Variants in LARP1B observed in about 807,000 individuals in gnomAD.
LARP1B encodes la-related protein 1B.
Under a neutral mutation model 114.2 loss-of-function variants are expected in LARP1B, and 76 were observed. The observed-to-expected ratio is 0.67, with a 90% CI of 0.55 to 0.81. The LOEUF (loss-of-function observed/expected upper bound fraction) is 0.81. LARP1B is among the 30% of genes least tolerant of loss of function. The pLI, the probability that LARP1B is intolerant of heterozygous loss-of-function variation, is 0.00. For synonymous variants in LARP1B, 345 were observed against 348.0 expected (o/e 0.99, Z 0.10); for missense variants, 1,014 against 1,075.8 (o/e 0.94, Z 0.80).
chr4:128,165,928 C>G (rs920305425), intron 12 of LARP1B, among the ~76,000 whole-genome samples: 1 of 152,056 alleles, frequency 6.6e-6, no homozygotes, highest in Non-Finnish European at 1.5e-5. Flanking sequence ...TCAAATTTCT[C>G]CTCTTTTGAA....
In LARP1B at chr4:128,177,055, G is replaced by T; in HGVS notation, c.1684+148G>T. On this transcript the variant is annotated intron_variant, in intron 13 of 19. Coordinates refer to ENST00000326639, the MANE Select transcript of LARP1B (RefSeq NM_018078.4). Reference sequence around the variant, plus strand: ...CAGGACTGACAGTTTGGTGCTATTTGTGTCACCAAGAACAAAGTGGAAAAT... The same window carrying T: ...CAGGACTGACAGTTTGGTGCTATTTTTGTCACCAAGAACAAAGTGGAAAAT... The T allele has an allele frequency of 5.4e-6, 4 of 739,966 alleles. No individual in the cohort carries two copies. The East Asian group carries it at 1.0e-4, about 19-fold the overall frequency. 45.8% of individuals were successfully genotyped at this position (739,966 alleles called of 1,614,324 possible).
chr4:128,087,709 T>C lies in LARP1B; in HGVS notation c.359-3292T>C, dbSNP rs550882953. ...ATTTTTCTCAATTGTCCACAAAATATGACTTTTAAATTATAAAACTTTAGC... is the reference window on the plus strand; with the variant it reads ...ATTTTTCTCAATTGTCCACAAAATACGACTTTTAAATTATAAAACTTTAGC... On this transcript the variant is annotated intron_variant, in intron 5 of 19. Coordinates refer to ENST00000326639, the MANE Select transcript of LARP1B (RefSeq NM_018078.4). Among the ~76,000 whole-genome samples the C allele has an allele frequency of 5.3e-5, 8 of 152,318 alleles. No homozygotes were observed. The South Asian group carries it at 1.4e-3, about 28-fold the overall frequency.
At chr4:128,124,273 G>T (rs1028944809) in intron 11 of LARP1B, among the ~76,000 whole-genome samples, 1 of 151,862 alleles carries the variant, frequency 6.6e-6, no homozygotes, top group African/African-American at 2.4e-5. Context: ...TACTCTAAAA[G>T]AAAAAAACAG....
At chr4:128,177,579 A>G (rs1458841895) in intron 13 of LARP1B, among the ~76,000 whole-genome samples, 2 of 152,194 alleles carry the variant, frequency 1.3e-5, no homozygotes, top group Non-Finnish European at 2.9e-5. Context: ...AAGGGTAACT[A>G]GAAATATGAA....
intron 11 of LARP1B, among the ~76,000 whole-genome samples, chr4:128,146,881 G>A (rs946273042): frequency 6.6e-6 from 1 of 152,146 alleles, no homozygotes; most frequent in African/African-American, 2.4e-5. Flanking sequence ...TTAAAACTAG[G>A]TCCTAAATAA....
At chr4:128,065,277 C>CTT (rs1156480479) in intron 1 of LARP1B, among the ~76,000 whole-genome samples, 2 of 125,788 alleles carry the variant, frequency 1.6e-5, no homozygotes, top group Admixed American at 8.5e-5. Flanking sequence ...TTCTTTCTTT[C>CTT]TTTCTTTCTT....
intron 11 of LARP1B, chr4:128,156,224 C>T (rs1735572933): frequency 6.5e-7 from 1 of 1,530,896 alleles, no homozygotes; most frequent in African/African-American, 1.4e-5. Flanking sequence ...GCCTTACTCC[C>T]TGCAGGTGCC....
chr4:128,083,865 C>T (rs1169790416), intron 5 of LARP1B, among the ~76,000 whole-genome samples: 4 of 150,942 alleles, frequency 2.7e-5, no homozygotes, highest in South Asian at 2.1e-4. Context: ...ACTTCCCAGA[C>T]GGGGTGGCTG....
intron 6 of LARP1B, 51 bp from the exon 7 acceptor site, chr4:128,091,296 C>G: frequency 1.3e-6 from 2 of 1,535,338 alleles, no homozygotes; most frequent in Middle Eastern, 2.0e-4. Context: ...TCCGTAGTAA[C>G]TATTTTTTTC....
chr4:128,073,757 A>C (rs1413240918), intron 1 of LARP1B, among the ~76,000 whole-genome samples: 1 of 149,564 alleles, frequency 6.7e-6, no homozygotes, highest in East Asian at 2.0e-4. Context: ...CACTGGGCTA[A>C]TTTTTCTATT....
chr4:128,149,518 G>A (rs559706792), intron 11 of LARP1B, among the ~76,000 whole-genome samples: 112 of 152,274 alleles, frequency 7.4e-4, no homozygotes, highest in Admixed American at 2.5e-3. Flanking sequence ...TAACCTACGT[G>A]AGAATGAAAA....
At chr4:128,092,878 G>C in intron 7 of LARP1B, 2 of 985,346 alleles carry the variant, frequency 2.0e-6, no homozygotes, top group Non-Finnish European at 2.4e-6. Flanking sequence ...TGTAACTTTT[G>C]CTGCCAAGTC....
At chr4:128,162,699 G>T (rs1207587668) in intron 12 of LARP1B, among the ~76,000 whole-genome samples, 2 of 152,066 alleles carry the variant, frequency 1.3e-5, no homozygotes, top group East Asian at 3.8e-4. Context: ...TACATTGGGA[G>T]ATCCATAAAT....
intron 10 of LARP1B, among the ~76,000 whole-genome samples, chr4:128,116,776 A>G (rs1417513278): frequency 6.6e-6 from 1 of 152,116 alleles, no homozygotes; most frequent in Admixed American, 6.6e-5. Context: ...AACATTCTAG[A>G]GTGGGTATAC....
intron 15 of LARP1B, among the ~76,000 whole-genome samples, chr4:128,192,120 AT>A (rs1284842299): frequency 1.3e-5 from 2 of 152,198 alleles, no homozygotes; most frequent in Non-Finnish European, 2.9e-5. Flanking sequence ...CTACTCTGCC[AT>A]TTTGGTGACA....
chr4:128,203,027 G>A (rs561082456), intron 17 of LARP1B, among the ~76,000 whole-genome samples: 2 of 152,204 alleles, frequency 1.3e-5, no homozygotes, highest in South Asian at 2.1e-4. Flanking sequence ...GCAAAACCCC[G>A]TCTCTTCTAA....
At chr4:128,105,762 G>C (rs977565028) in intron 8 of LARP1B, among the ~76,000 whole-genome samples, 2 of 151,978 alleles carry the variant, frequency 1.3e-5, no homozygotes, top group African/African-American at 4.8e-5. Context: ...TGTGGTAGTG[G>C]GTGCCTGTAA....
At position 128,085,995 on chromosome 4, in the gene LARP1B, TTTG is replaced by T. The variant is rs1341780708; in HGVS notation, c.358+3692_358+3694del. 7.3e-5 allele frequency among the ~76,000 whole-genome samples: 11 copies of T among 151,122 alleles called. No homozygotes were observed. The East Asian group carries it at 2.1e-3, about 29-fold the overall frequency. On this transcript the variant is annotated intron_variant, in intron 5 of 19. Coordinates refer to ENST00000326639, the MANE Select transcript of LARP1B (RefSeq NM_018078.4). ...CTGTATTTTGGATTTGGCTGATTGC[TTTG>T]TCATGGTATTCTTTTTTTTTTTTTT...
At chr4:128,161,010 GT>G (rs1437880154) in intron 11 of LARP1B, among the ~76,000 whole-genome samples, 4 of 152,228 alleles carry the variant, frequency 2.6e-5, no homozygotes, top group Middle Eastern at 3.4e-3. Context: ...TCTTTCTTAT[GT>G]TTTTTACTTG....
Sources: allele counts gnomAD v4.1 joint callset (sites outside exome capture counted in the v4.1 genomes callset), GRCh38; gene constraint gnomAD v4.1.1; transcripts MANE v1.5; gene names NCBI Gene and HGNC (gene_info 2026-07-23, HGNC 2026-07-21).